Variants in PTPRM observed in about 807,000 individuals in gnomAD.
PTPRM encodes receptor-type tyrosine-protein phosphatase mu.
PTPRM carries 47 observed loss-of-function variants against 186.7 expected under a neutral mutation model. That is an observed-to-expected ratio of 0.25 (90% CI 0.20 to 0.32). The LOEUF is 0.32. Among genes scored for constraint, PTPRM ranks in the 10% least tolerant of loss-of-function variants. The pLI, the probability that PTPRM is intolerant of heterozygous loss-of-function variation, is 1.00. For synonymous variants in PTPRM, 668 were observed against 674.9 expected (o/e 0.99, Z 0.16); for missense variants, 1,494 against 1,865.0 (o/e 0.80, Z 3.66).
chr18:8,010,444 C>T (rs1195555925), intron 7 of PTPRM, among the ~76,000 whole-genome samples: 3 of 152,156 alleles, frequency 2.0e-5, no homozygotes, highest in Non-Finnish European at 4.4e-5. Flanking sequence ...TGTCCTGTTC[C>T]CTAAACCACT....
intron 22 of PTPRM, among the ~76,000 whole-genome samples, chr18:8,334,906 C>T (rs2095430414): frequency 6.6e-6 from 1 of 152,156 alleles, no homozygotes; most frequent in Non-Finnish European, 1.5e-5. Flanking sequence ...CCACTTCATC[C>T]TCAGCTGCTG....
chr18:8,163,658 T>A (rs550898406), intron 14 of PTPRM, among the ~76,000 whole-genome samples: 3 of 152,234 alleles, frequency 2.0e-5, no homozygotes, highest in Non-Finnish European at 2.9e-5. Context: ...TATGAGTACC[T>A]AAGTAGAATG....
intron 14 of PTPRM, among the ~76,000 whole-genome samples, chr18:8,191,885 G>T (rs994938995): frequency 6.6e-6 from 1 of 152,086 alleles, no homozygotes; most frequent in African/African-American, 2.4e-5. Context: ...TGACTATGTA[G>T]CAAATTGACA....
At chr18:7,654,391 G>A (rs781524769) in intron 1 of PTPRM, among the ~76,000 whole-genome samples, 1 of 152,016 alleles carries the variant, frequency 6.6e-6, no homozygotes, top group African/African-American at 2.4e-5. Context: ...TGAGTAGCAG[G>A]ATATAAAAAA....
rs377182615 is a variant in PTPRM, at chr18:7,842,930, G to GTGTGTGTATA, written c.197-45175_197-45174insGTGTGTATAT. On this transcript the variant is annotated intron_variant, in intron 2 of 32. Transcript: ENST00000580170. Reference sequence around the variant, plus strand: ...CTCATATGTGTGTGTGTGTGTGTGTGTATATATATATATATATAGAGAGAG... The same window carrying GTGTGTGTATA: ...CTCATATGTGTGTGTGTGTGTGTGTGTGTGTGTATATATATATATATATATATAGAGAGAG... Among the ~76,000 whole-genome samples, 11 of 100,928 alleles carry GTGTGTGTATA rather than the reference G, an allele frequency of 1.1e-4. 1 individual carries two copies. The highest frequency in any genetic ancestry group is 4.5e-4 in the African/African-American group (9 of 20,206). The allele number at this position is 100,928 out of a possible 152,430, so 66.2% of individuals were successfully genotyped here.
intron 1 of PTPRM, chr18:7,741,284 C>G (rs1226382673): frequency 6.6e-6 from 1 of 152,180 alleles, no homozygotes; most frequent in Non-Finnish European, 1.5e-5. Flanking sequence ...GTGGGCATTG[C>G]TCCTGAGAAT....
intron 20 of PTPRM, among the ~76,000 whole-genome samples, chr18:8,307,295 C>G (rs1171583557): frequency 2.6e-5 from 4 of 152,190 alleles, no homozygotes; most frequent in African/African-American, 9.7e-5. Context: ...GAAGTGCAAT[C>G]ATGTGATGAT....
intron 13 of PTPRM, among the ~76,000 whole-genome samples, chr18:8,130,428 TG>T (rs1600728988): frequency 1.3e-5 from 2 of 152,162 alleles, no homozygotes; most frequent in East Asian, 3.9e-4. Context: ...TGATAAATAA[TG>T]CAAAAACGTT....
chr18:8,158,351 C>A (rs1307362336), intron 14 of PTPRM, among the ~76,000 whole-genome samples: 1 of 152,114 alleles, frequency 6.6e-6, no homozygotes, highest in Admixed American at 6.5e-5. Context: ...TGTTTTGATT[C>A]ATGTTGATGT....
At chr18:8,020,173 T>C (rs2085120870) in intron 7 of PTPRM, among the ~76,000 whole-genome samples, 1 of 152,226 alleles carries the variant, frequency 6.6e-6, no homozygotes, top group African/African-American at 2.4e-5. Flanking sequence ...TTTGTGCTTA[T>C]TACTTTTTAC....
intron 1 of PTPRM, among the ~76,000 whole-genome samples, chr18:7,663,295 G>A (rs2039020747): frequency 6.6e-6 from 1 of 152,066 alleles, no homozygotes; most frequent in South Asian, 2.1e-4. Context: ...CTCTACTGGT[G>A]ACCACCTAAA....
intron 3 of PTPRM, among the ~76,000 whole-genome samples, chr18:7,891,621 CT>C (rs1567976081): frequency 6.6e-6 from 1 of 151,972 alleles, no homozygotes; most frequent in Non-Finnish European, 1.5e-5. Flanking sequence ...AGTCCTAGCA[CT>C]TTGGGAGGCT....
At chr18:7,802,838 C>T (rs575583895) in intron 2 of PTPRM, among the ~76,000 whole-genome samples, 64 of 152,268 alleles carry the variant, frequency 4.2e-4, no homozygotes, top group African/African-American at 8.9e-4. Flanking sequence ...ATGTTTCATG[C>T]ACTCTGCTGT....
At chr18:7,814,295 G>A (rs574087829) in intron 2 of PTPRM, 2 of 152,340 alleles carry the variant, frequency 1.3e-5, no homozygotes, top group South Asian at 2.1e-4. Flanking sequence ...ATCAGGCTGG[G>A]TGTACCTCGT....
At chr18:8,154,566 C>T (rs951641876) in intron 14 of PTPRM, 3 of 152,218 alleles carry the variant, frequency 2.0e-5, no homozygotes, top group East Asian at 1.9e-4. Context: ...AATTCAAACA[C>T]TGGAAAATTG....
chr18:8,303,386 C>T (rs1157237281), intron 20 of PTPRM, among the ~76,000 whole-genome samples: 1 of 152,130 alleles, frequency 6.6e-6, no homozygotes, highest in East Asian at 1.9e-4. Context: ...GTGAGCCAAT[C>T]TTGGTTGCTC....
chr18:7,987,393 T>A (rs1265041204), intron 7 of PTPRM, among the ~76,000 whole-genome samples: 1 of 152,234 alleles, frequency 6.6e-6, no homozygotes, highest in Non-Finnish European at 1.5e-5. Context: ...TAATTGTTTT[T>A]AAATTATTAA....
rs781641957 is a variant in PTPRM, at chr18:7,884,285, G to A, written c.197-3821G>A. 3.3e-5 allele frequency among the ~76,000 whole-genome samples: 5 copies of A among 152,212 alleles called. No homozygotes were observed. In the South Asian group the frequency reaches 8.3e-4, roughly 25 times the overall value. ...TGTCCCGCTTGCCTTGTATGCATTC[G>A]TGGTTAATTATGAGGCTGCATAGAT... On this transcript the variant is annotated intron_variant, in intron 2 of 32. Transcript: ENST00000580170.
chr18:8,273,914 T>C (rs1451364197), intron 19 of PTPRM, among the ~76,000 whole-genome samples: 1 of 152,210 alleles, frequency 6.6e-6, no homozygotes, highest in Non-Finnish European at 1.5e-5. Flanking sequence ...CTCTAAACAT[T>C]AGTTCTGACT....
Sources: allele counts gnomAD v4.1 joint callset (sites outside exome capture counted in the v4.1 genomes callset), GRCh38; gene constraint gnomAD v4.1.1; transcripts MANE v1.5; gene names NCBI Gene and HGNC (gene_info 2026-07-23, HGNC 2026-07-21).